PACSIN2: variants seen among roughly 807,000 people sequenced by gnomAD.
The protein encoded by PACSIN2 is protein kinase C and casein kinase substrate in neurons protein 2.
Under a neutral mutation model 63.8 loss-of-function variants are expected in PACSIN2, and 25 were observed. The ratio of observed to expected loss-of-function variants is 0.39; its 90% CI spans 0.29 to 0.55. PACSIN2 has a LOEUF of 0.55. Among genes scored for constraint, PACSIN2 ranks in the 20% least tolerant of loss-of-function variants. The pLI, the probability that PACSIN2 is intolerant of heterozygous loss-of-function variation, is 0.62. For synonymous variants in PACSIN2, 255 were observed against 256.2 expected (o/e 1.00, Z 0.05); for missense variants, 518 against 646.9 (o/e 0.80, Z 2.16).
At chr22:42,934,657 C>T (rs1191244219) in intron 1 of PACSIN2, among the ~76,000 whole-genome samples, 1 of 152,214 alleles carries the variant, frequency 6.6e-6, no homozygotes. Flanking sequence ...TCCAAGAAGC[C>T]CCCCACCGTT....
intron 1 of PACSIN2, among the ~76,000 whole-genome samples, chr22:43,001,601 G>T (rs548895291): frequency 6.6e-6 from 1 of 152,374 alleles, no homozygotes; most frequent in Admixed American, 6.5e-5. Flanking sequence ...TGCTTGGGAA[G>T]CAAGACACTT....
intron 5 of PACSIN2, among the ~76,000 whole-genome samples, chr22:42,885,267 A>G (rs1355376254): frequency 6.6e-6 from 1 of 152,170 alleles, no homozygotes; most frequent in Non-Finnish European, 1.5e-5. Context: ...CTCGAGGTCA[A>G]TGACCTCACA....
chr22:43,000,485 CTT>C (rs1377366886), intron 1 of PACSIN2, among the ~76,000 whole-genome samples: 3 of 152,224 alleles, frequency 2.0e-5, no homozygotes, highest in Non-Finnish European at 4.4e-5. Context: ...CTACTCACCT[CTT>C]TACTTACTAG....
At chr22:42,936,850 G>C (rs934332897) in intron 1 of PACSIN2, among the ~76,000 whole-genome samples, 1 of 144,548 alleles carries the variant, frequency 6.9e-6, no homozygotes, top group Non-Finnish European at 1.5e-5. Flanking sequence ...GACGGAGGTT[G>C]CAGTGAGCCG....
chr22:42,876,187 G>A lies in PACSIN2; in HGVS notation c.1298C>T (p.Ala433Val), dbSNP rs757926842. The A allele has an allele frequency of 3.1e-6, 5 of 1,614,090 alleles. No individual in the cohort carries two copies. In the African/African-American group the frequency reaches 6.7e-5, roughly 22 times the overall value. Residue 433 changes from alanine (A) to valine (V), a missense_variant, in exon 10 of 11, where the codon GCC becomes GTC. By Grantham distance (64) the Ala-to-Val change is moderately conservative (BLOSUM62 0). Around this residue, in one of 2 missense-constraint regions of PACSIN2, gnomAD observed 507 missense variants for 612.3 expected, o/e 0.83. Coordinates refer to ENST00000263246, the MANE Select transcript of PACSIN2 (RefSeq NM_001184970.3). ...ATSGTEVRVR[A>V]LYDYEGQEHD... ...CTCCTGCCCCTCATAGTCATACAGGGCCCGGACTCGCACTTCCGTCCCCGA... is the reference window on the plus strand; with the variant it reads ...CTCCTGCCCCTCATAGTCATACAGGACCCGGACTCGCACTTCCGTCCCCGA...
At chr22:42,975,618 T>TC (rs1199058320) in intron 1 of PACSIN2, among the ~76,000 whole-genome samples, 1 of 148,780 alleles carries the variant, frequency 6.7e-6, no homozygotes, top group Non-Finnish European at 1.5e-5. Context: ...ATTCTTTTTT[T>TC]TTTCCCTTTT....
At chr22:42,980,455 AAAAC>A (rs1385648564) in intron 1 of PACSIN2, among the ~76,000 whole-genome samples, 8 of 149,402 alleles carry the variant, frequency 5.4e-5, no homozygotes, top group Admixed American at 1.3e-4. Flanking sequence ...CTCCCTCAAA[AAAAC>A]AAACAACCCT....
rs568480090 is a variant in PACSIN2 at position 42,926,340 on chromosome 22, G to A, written c.-77-14183C>T. Among the ~76,000 whole-genome samples, 3 of 152,258 alleles carry A rather than the reference G, an allele frequency of 2.0e-5. No homozygotes were observed. In the East Asian group the frequency reaches 5.8e-4, roughly 29 times the overall value. ...CCAGAAGCACCCATCGGCCTGGGCA[G>A]GGTGGGGCAGAACACACTCAAAGGT... On this transcript the variant is annotated intron_variant, in intron 1 of 10. Transcript: ENST00000263246.
chr22:42,886,384 T>TGATAAGAA (rs1929477548), intron 5 of PACSIN2, among the ~76,000 whole-genome samples: 1 of 152,102 alleles, frequency 6.6e-6, no homozygotes, highest in Non-Finnish European at 1.5e-5. Context: ...AACATGAAAG[T>TGATAAGAA]ACATGTGCAA....
In PACSIN2 at chr22:42,891,195, G is replaced by T; in HGVS notation, c.218-13C>A. 6.3e-7 allele frequency: 1 copy of T among 1,591,554 alleles called. No homozygotes were observed. On this transcript the variant is annotated splice_polypyrimidine_tract_variant and intron_variant, in intron 3 of 10. Transcript: ENST00000263246. ...CCGTACTGGGGCCCTGTGCAGGGGA[G>T]AGAAGCTGCGGGTCACTCAGCGCCG...
intron 1 of PACSIN2, among the ~76,000 whole-genome samples, chr22:42,949,031 G>A (rs998164051): frequency 4.6e-5 from 7 of 152,276 alleles, no homozygotes; most frequent in African/African-American, 1.7e-4. Flanking sequence ...AGTGGCTCAC[G>A]CCTGTAATCC....
chr22:42,897,999 C>T (rs1372003603), intron 2 of PACSIN2, among the ~76,000 whole-genome samples: 3 of 152,004 alleles, frequency 2.0e-5, no homozygotes, highest in Admixed American at 1.3e-4. Context: ...AGGCCTGCAT[C>T]CTGAAGGGTG....
At chr22:42,963,629 A>C (rs989843485) in intron 1 of PACSIN2, among the ~76,000 whole-genome samples, 8 of 152,188 alleles carry the variant, frequency 5.3e-5, no homozygotes, top group Admixed American at 4.6e-4. Flanking sequence ...AGGTACTCCT[A>C]GCCCTGTTTT....
At chr22:42,967,615 G>A (rs1246322603) in intron 1 of PACSIN2, among the ~76,000 whole-genome samples, 2 of 152,204 alleles carry the variant, frequency 1.3e-5, no homozygotes, top group African/African-American at 4.8e-5. Flanking sequence ...TGGGCCGGGC[G>A]CGGTGGCTCA....
intron 1 of PACSIN2, among the ~76,000 whole-genome samples, chr22:42,932,686 T>C (rs1016830690): frequency 3.3e-5 from 5 of 152,008 alleles, no homozygotes; most frequent in African/African-American, 1.2e-4. Flanking sequence ...CTCGGATTAT[T>C]AACTACAAAT....
Position 42,879,048 on chromosome 22 carries a change from C to T in PACSIN2, c.1028G>A (p.Ser343Asn). ...GDQSLPSKPS[S>N]TLNVPSNPAQ... is the part of the protein sequence containing the mutation. The stretch of plus-strand genomic sequence containing the variant: ...TTGGATGGAGGTGGCGCCCACTCAC[C>T]TGCTGGGCTTACTCGGCAGAGACTG... Residue 343 changes from serine (S) to asparagine (N), a missense_variant and splice_region_variant, in exon 8 of 11, where the codon AGC becomes AAC. This residue lies in a region of PACSIN2 where 507 missense variants were observed against 612.3 expected (regional missense o/e 0.83). Coordinates refer to ENST00000263246, the MANE Select transcript of PACSIN2 (RefSeq NM_001184970.3). 6.2e-7 allele frequency: 1 copy of T among 1,613,430 alleles called. No individual in the cohort carries two copies. The highest frequency in any genetic ancestry group is 8.5e-7 in the Non-Finnish European group (1 of 1,179,612).
rs370253190 is a variant in PACSIN2, at chr22:42,884,509, T to G, written c.662A>C (p.Gln221Pro). 16 of 1,614,180 alleles carry G rather than the reference T, an allele frequency of 9.9e-6. No individual in the cohort carries two copies. The highest frequency in any genetic ancestry group is 8.8e-5 in the South Asian group (8 of 91,086). ...SLKELDQGTP[Q>P]YMENMEQVFE... ...CACCTGCTCCATGTTCTCCATGTAC[T>G]GGGGTGTGCCCTGGTCGAGTTCCTT... The change falls in exon 6 of 11, where the codon CAG becomes CCG. Residue 221 changes from glutamine (Q) to proline (P), a missense_variant. Gln to Pro is a moderately conservative substitution (Grantham distance 76). Coordinates refer to ENST00000263246, the MANE Select transcript of PACSIN2 (RefSeq NM_001184970.3).
rs760200541 is a variant in PACSIN2 at position 42,880,670 on chromosome 22, T to C, written c.907-1501A>G. Reference sequence around the variant, plus strand: ...CAAAGAATTGCATTAGAGAAAGGCATGGTCCCGTAACAGCTGCAAATGTGC... The same window carrying C: ...CAAAGAATTGCATTAGAGAAAGGCACGGTCCCGTAACAGCTGCAAATGTGC... On this transcript the variant is annotated intron_variant, in intron 7 of 10. Coordinates refer to ENST00000263246, the MANE Select transcript of PACSIN2 (RefSeq NM_001184970.3). 3.9e-5 allele frequency: 6 copies of C among 152,192 alleles called. No individual in the cohort carries two copies. The East Asian group carries it at 7.7e-4, about 20-fold the overall frequency. The allele number at this position is 152,192 out of a possible 1,614,324, so 9.4% of individuals were successfully genotyped here.
chr22:42,996,726 T>C (rs1044320034), intron 1 of PACSIN2, among the ~76,000 whole-genome samples: 1 of 151,964 alleles, frequency 6.6e-6, no homozygotes, highest in Non-Finnish European at 1.5e-5. Context: ...ATAGAGACGG[T>C]CCAGGCCAAA....
Sources: allele counts gnomAD v4.1 joint callset (sites outside exome capture counted in the v4.1 genomes callset), GRCh38; gene constraint gnomAD v4.1.1; regional missense constraint gnomAD v4.1.1; transcripts MANE v1.5; gene names NCBI Gene and HGNC (gene_info 2026-07-23, HGNC 2026-07-21).